TMEM132B: variants seen among roughly 807,000 people sequenced by gnomAD.
TMEM132B encodes the protein transmembrane protein 132B.
A neutral mutation model predicts 90.8 loss-of-function variants in TMEM132B; 18 were observed. The observed-to-expected ratio is 0.20, with a 90% CI of 0.14 to 0.29. The LOEUF (loss-of-function observed/expected upper bound fraction) is 0.29. TMEM132B is among the 10% of genes least tolerant of loss of function. TMEM132B has a pLI of 1.00. For synonymous variants in TMEM132B, 504 were observed against 523.3 expected (o/e 0.96, Z 0.50); for missense variants, 1,096 against 1,326.8 (o/e 0.83, Z 2.70).
At chr12:125,323,509 C>CTTTGTTTG (rs35532606) in intron 1 of TMEM132B, among the ~76,000 whole-genome samples, 18 of 151,154 alleles carry the variant, frequency 1.2e-4, no homozygotes, top group African/African-American at 2.7e-4. Flanking sequence ...CTCTCAGCTT[C>CTTTGTTTG]TTTGTTTGTT....
chr12:125,294,408 A>T (rs1875616958), intron 1 of TMEM132B, among the ~76,000 whole-genome samples: 1 of 152,240 alleles, frequency 6.6e-6, no homozygotes, highest in Non-Finnish European at 1.5e-5. Flanking sequence ...TCAAAAGGAA[A>T]TAATCTCAAA....
rs542364288 is a variant in TMEM132B, at chr12:125,371,407, C to T, written c.959+21064C>T. On this transcript the variant is annotated intron_variant, in intron 2 of 8. Coordinates refer to ENST00000682704, the MANE Select transcript of TMEM132B (RefSeq NM_001366854.1). ...GAGGAAGGAGGGCATCCGAGGGACC[C>T]GGGGTGTCAGGGGATTCTTTTCCCT... is the stretch of plus-strand genomic sequence containing the variant. 9.2e-5 allele frequency among the ~76,000 whole-genome samples: 14 copies of T among 152,216 alleles called. No individual in the cohort carries two copies. In the East Asian group the frequency reaches 1.2e-3, roughly 13 times the overall value.
chr12:125,381,403 A>G (rs1878676578), intron 2 of TMEM132B, among the ~76,000 whole-genome samples: 2 of 152,180 alleles, frequency 1.3e-5, no homozygotes, highest in Admixed American at 1.3e-4. Flanking sequence ...GGGACGTCAT[A>G]CCACTGGGGT....
At chr12:125,377,502 C>T (rs1402987569) in intron 2 of TMEM132B, among the ~76,000 whole-genome samples, 1 of 152,064 alleles carries the variant, frequency 6.6e-6, no homozygotes. Flanking sequence ...CCTCAGTACC[C>T]CCTGCTATAA....
intron 5 of TMEM132B, among the ~76,000 whole-genome samples, chr12:125,608,644 G>T (rs1022187596): frequency 6.6e-6 from 1 of 152,082 alleles, no homozygotes; most frequent in Admixed American, 6.5e-5. Context: ...GAAACCATTG[G>T]TTAATCAAAA....
chr12:125,344,506 TG>T (rs1463616162), intron 1 of TMEM132B, among the ~76,000 whole-genome samples: 1 of 151,926 alleles, frequency 6.6e-6, no homozygotes, highest in African/African-American at 2.4e-5. Context: ...GGGACCATGG[TG>T]GGGGTTTTAT....
chr12:125,630,934 A>G (rs1301690825), intron 5 of TMEM132B, among the ~76,000 whole-genome samples: 1 of 152,026 alleles, frequency 6.6e-6, no homozygotes, highest in East Asian at 1.9e-4. Context: ...TCTTAGAAAA[A>G]AACAACTTTT....
At chr12:125,489,510 T>C (rs990344707) in intron 3 of TMEM132B, among the ~76,000 whole-genome samples, 5 of 152,126 alleles carry the variant, frequency 3.3e-5, no homozygotes, top group Non-Finnish European at 7.3e-5. Flanking sequence ...TCCCAAGTGA[T>C]CCTCCTGCCT....
rs375643481 is a variant in TMEM132B, at chr12:125,296,952, T to C, written c.68-52500T>C. Among the ~76,000 whole-genome samples the C allele has an allele frequency of 1.5e-4, 23 of 152,350 alleles. No homozygotes were observed. In the East Asian group the frequency reaches 4.0e-3, roughly 27 times the overall value. On this transcript the variant is annotated intron_variant, in intron 1 of 8. Coordinates refer to ENST00000682704, the MANE Select transcript of TMEM132B (RefSeq NM_001366854.1). ...GCAGATTCCCAGCTGCTGTGGAAGA[T>C]GCATGCTTGTCCCTAACAGGTCTGC...
At chr12:125,205,260 T>A (rs932613027) in intron 1 of TMEM132B, among the ~76,000 whole-genome samples, 1 of 152,134 alleles carries the variant, frequency 6.6e-6, no homozygotes, top group Non-Finnish European at 1.5e-5. Context: ...CTTAGCCCTT[T>A]GTGTGGAATA....
At chr12:125,439,646 T>C (rs1343877897) in intron 3 of TMEM132B, among the ~76,000 whole-genome samples, 1 of 152,218 alleles carries the variant, frequency 6.6e-6, no homozygotes, top group African/African-American at 2.4e-5. Context: ...TCTTCCTATT[T>C]GAATGCCCTT....
intron 1 of TMEM132B, among the ~76,000 whole-genome samples, chr12:125,216,722 G>A (rs1311833913): frequency 6.6e-6 from 1 of 152,242 alleles, no homozygotes; most frequent in Admixed American, 6.5e-5. Context: ...GAGAAAAGGA[G>A]TCAGTGATTC....
At position 125,339,481 on chromosome 12, in the gene TMEM132B, G is replaced by A. The variant is rs531092655; in HGVS notation, c.68-9971G>A. On this transcript the variant is annotated intron_variant, in intron 1 of 8. Transcript: ENST00000682704. The stretch of plus-strand genomic sequence containing the variant: ...AAGGACAGCATGAAAAGGGCTGCAA[G>A]CAAGAGGAGTAACTAAATTCTGACG... 2.0e-5 allele frequency among the ~76,000 whole-genome samples: 3 copies of A among 152,328 alleles called. No homozygotes were observed. The East Asian group carries it at 5.8e-4, about 29-fold the overall frequency.
At chr12:125,531,870 C>A (rs1028980313) in intron 4 of TMEM132B, among the ~76,000 whole-genome samples, 1 of 152,192 alleles carries the variant, frequency 6.6e-6, no homozygotes, top group African/African-American at 2.4e-5. Context: ...TTGTAAATGC[C>A]GCCGTAGCAC....
Position 125,415,557 on chromosome 12 carries a change from T to C in TMEM132B, c.986T>C (p.Ile329Thr). Reference protein sequence around the residue: ...LRIKAAAGVKITAVRVSSEDQ... With the variant: ...LRIKAAAGVKTTAVRVSSEDQ... ...ATTAAGGCGGCAGCAGGTGTGAAGA[T>C]AACGGCAGTGAGAGTCAGCAGTGAG... Residue 329 changes from isoleucine to threonine, a missense_variant, in exon 3 of 9, where the codon ATA becomes ACA. Coordinates refer to ENST00000682704, the MANE Select transcript of TMEM132B (RefSeq NM_001366854.1). This position sits in a 1 kb window ranked among gnomAD's most constrained non-coding sequence, Gnocchi z 5.3. The C allele has an allele frequency of 6.2e-7, 1 of 1,614,222 alleles. No homozygotes were observed.
chr12:125,602,038 A>G (rs2136921537), intron 5 of TMEM132B, among the ~76,000 whole-genome samples: 1 of 152,350 alleles, frequency 6.6e-6, no homozygotes, highest in East Asian at 1.9e-4. Flanking sequence ...AGAGATACAA[A>G]GAGGAGCTGG....
chr12:125,634,296 A>G (rs551211642), intron 5 of TMEM132B, among the ~76,000 whole-genome samples: 6 of 152,212 alleles, frequency 3.9e-5, no homozygotes, highest in African/African-American at 1.2e-4. Flanking sequence ...AGTGAAGGCT[A>G]CCCGGCCTGA....
chr12:125,387,762 C>T (rs1030433850), intron 2 of TMEM132B, among the ~76,000 whole-genome samples: 17 of 152,164 alleles, frequency 1.1e-4, no homozygotes, highest in African/African-American at 3.9e-4. Context: ...CATCTGTCTC[C>T]ATCTTCCATC....
At chr12:125,562,195 C>T (rs1354089491) in intron 4 of TMEM132B, among the ~76,000 whole-genome samples, 1 of 152,172 alleles carries the variant, frequency 6.6e-6, no homozygotes, top group African/African-American at 2.4e-5. Flanking sequence ...TGATAGCCTC[C>T]AGCTTTTTTT....
Sources: allele counts gnomAD v4.1 joint callset (sites outside exome capture counted in the v4.1 genomes callset), GRCh38; gene constraint gnomAD v4.1.1; non-coding constraint Gnocchi (gnomAD v3.1); transcripts MANE v1.5; gene names NCBI Gene and HGNC (gene_info 2026-07-23, HGNC 2026-07-21).